The following AKAP9 variants were observed in gnomAD, a reference collection of about 807,000 sequenced individuals.
AKAP9 encodes the protein A-kinase anchor protein 9.
Under a neutral mutation model 488.5 loss-of-function variants are expected in AKAP9, and 311 were observed. That is an observed-to-expected ratio of 0.64 (90% confidence interval 0.58 to 0.70). AKAP9 has a LOEUF of 0.70. Among genes scored for constraint, AKAP9 ranks in the 30% least tolerant of loss-of-function variants. AKAP9 has a pLI of 0.00. For missense variants in AKAP9, 4,215 were observed against 4,374.5 expected, an observed-to-expected ratio of 0.96 and a Z score of 1.03; for synonymous variants, 1,462 against 1,483.5, an observed-to-expected ratio of 0.99 and a Z score of 0.33.
intron 1 of AKAP9, among the ~76,000 whole-genome samples, chr7:91,971,729 G>A (rs1384454540): frequency 6.6e-6 from 1 of 151,094 alleles, no homozygotes; most frequent in East Asian, 1.9e-4. Flanking sequence ...CACCACTGCC[G>A]GGCTAATTTT....
chr7:92,097,037 G>A lies in AKAP9; in HGVS notation c.10078G>A (p.Val3360Ile). ...KQLEEKHSRI[V>I]ELLNETEKYK... ...GCTAGAGGAAAAACACAGTCGCATA[G>A]TAGAATTGTTAAATGAGACTGAAAA... The change falls in exon 41 of 50, where the codon GTA (valine) becomes ATA (isoleucine). Residue 3360 changes from valine (V) to isoleucine (I), a missense_variant. This residue lies in a region of AKAP9 where 1,476 missense variants were observed against 1,477.4 expected (regional missense o/e 1.00). Transcript: ENST00000356239. 6.2e-7 allele frequency: 1 copy of A among 1,614,214 alleles called. No individual in the cohort carries two copies. The highest frequency in any genetic ancestry group is 1.1e-5 in the South Asian group (1 of 91,084).
intron 1 of AKAP9, among the ~76,000 whole-genome samples, chr7:91,951,599 A>G (rs1035243983): frequency 9.9e-5 from 15 of 152,188 alleles, no homozygotes; most frequent in Non-Finnish European, 2.9e-5. Flanking sequence ...TGCTGGGATT[A>G]TAGGTGTGAG....
At chr7:92,018,417 CACACACACACACACACACACACACAG>C (rs974998320) in intron 12 of AKAP9, among the ~76,000 whole-genome samples, 7 of 125,878 alleles carry the variant, frequency 5.6e-5, no homozygotes, top group South Asian at 2.7e-4. Flanking sequence ...CACACACACA[CACACACACACACACACACACACACAG>C]AGAAATATTC....
At position 92,102,788 on chromosome 7, in the gene AKAP9, G is replaced by A; in HGVS notation, c.11292G>A (p.Arg3764=). The A allele has an allele frequency of 6.2e-7, 1 of 1,614,192 alleles. No individual in the cohort carries two copies. The highest frequency in any genetic ancestry group is 8.5e-7 in the Non-Finnish European group (1 of 1,180,048). Residue 3764 remains arginine (R), a synonymous_variant, in exon 46 of 50, where the codon AGG becomes AGA. Transcript: ENST00000356239. Reference sequence around the variant, plus strand: ...CCAATCGCCCAAAGGGCTTCACCAGGTTTCGGTCGGCCGTCAGAGTATCCA... The same window carrying A: ...CCAATCGCCCAAAGGGCTTCACCAGATTTCGGTCGGCCGTCAGAGTATCCA... ...VITNRPKGFT[R]FRSAVRVSIA... is the part of the protein sequence containing the mutation.
intron 14 of AKAP9, among the ~76,000 whole-genome samples, chr7:92,024,710 C>T (rs1056316640): frequency 6.6e-6 from 1 of 151,998 alleles, no homozygotes; most frequent in African/African-American, 2.4e-5. Flanking sequence ...TCTATAAAAC[C>T]CTCAGAGATT....
At chr7:92,009,755 TTAAA>T (rs1198900816) in intron 8 of AKAP9, among the ~76,000 whole-genome samples, 3 of 152,214 alleles carry the variant, frequency 2.0e-5, no homozygotes, top group Non-Finnish European at 2.9e-5. Flanking sequence ...TGTAGAAATC[TTAAA>T]TAAAATATTA....
At chr7:92,058,883 CT>C (rs1440630995) in intron 22 of AKAP9, among the ~76,000 whole-genome samples, 1 of 151,874 alleles carries the variant, frequency 6.6e-6, no homozygotes, top group Non-Finnish European at 1.5e-5. Context: ...ACCTAAGAAA[CT>C]TACTTTTTGT....
intron 14 of AKAP9, among the ~76,000 whole-genome samples, chr7:92,028,832 T>C (rs984595604): frequency 6.6e-6 from 1 of 152,198 alleles, no homozygotes; most frequent in Non-Finnish European, 1.5e-5. Flanking sequence ...GAAACATCCA[T>C]GGAAGTGTGC....
chr7:92,102,948 A>C, intron 46 of AKAP9, 122 bp downstream of exon 46: 1 of 894,974 alleles, frequency 1.1e-6, no homozygotes, highest in Non-Finnish European at 1.7e-6. Context: ...GGTATGTGCC[A>C]TCACTGAAGC....
At chr7:91,999,138 G>A (rs1263492266) in intron 7 of AKAP9, among the ~76,000 whole-genome samples, 1 of 152,168 alleles carries the variant, frequency 6.6e-6, no homozygotes, top group Non-Finnish European at 1.5e-5. Context: ...TCGACTTGTA[G>A]GTTCAGAAGT....
chr7:92,077,976 A>AATTTTATTTT, intron 30 of AKAP9, 101 bp downstream of exon 30: 1 of 766,484 alleles, frequency 1.3e-6, no homozygotes, highest in Non-Finnish European at 1.9e-6. Flanking sequence ...AAAACAAACC[A>AATTTTATTTT]ATTTTATTTT....
intron 14 of AKAP9, among the ~76,000 whole-genome samples, chr7:92,024,257 T>C (rs768713819): frequency 2.6e-5 from 4 of 151,282 alleles, no homozygotes; most frequent in Admixed American, 6.6e-5. Flanking sequence ...ACTAAAAATA[T>C]AAAAATTAGC....
In AKAP9 at chr7:92,089,318, T is replaced by A. The variant is rs80055200; in HGVS notation, c.9214-67T>A. 1.9e-3 allele frequency: 2,932 copies of A among 1,562,064 alleles called. 44 individuals are homozygous for A. The African/African-American group carries it at 0.035, about 19-fold the overall frequency. On this transcript the variant is annotated intron_variant, in intron 37 of 49. Transcript: ENST00000356239. ...GTGTTCCATTCATTCTTCTTTAGATTTCTTGGTTGTTAATTGTATTGCCTT... is the reference window on the plus strand; with the variant it reads ...GTGTTCCATTCATTCTTCTTTAGATATCTTGGTTGTTAATTGTATTGCCTT...
At chr7:92,069,918 GATTTTGGAGC>G in intron 26 of AKAP9, 102 bp from the exon 27 acceptor site, 1 of 975,384 alleles carries the variant, frequency 1.0e-6, no homozygotes, top group South Asian at 1.6e-5. Context: ...AAACGTTTCA[GATTTTGGAGC>G]ATTTTGGATT....
intron 21 of AKAP9, among the ~76,000 whole-genome samples, chr7:92,051,439 A>G (rs1433223184): frequency 3.9e-5 from 6 of 152,218 alleles, no homozygotes; most frequent in African/African-American, 9.6e-5. Flanking sequence ...TACTTTGGAG[A>G]ATAAGGATAC....
chr7:92,084,645 C>G lies in AKAP9; in HGVS notation c.8652C>G (p.Ser2884=), dbSNP rs903736978. ...VIQCLRSKEG[S]SIPELAHSDA... is the part of the protein sequence containing the mutation. ...TTTTTGTTTTCTCTAATTAGGGATC[C>G]TCAATTCCTGAGCTAGCACATTCTG... Residue 2884 remains serine, a synonymous_variant, in exon 34 of 50, where the codon TCC becomes TCG. Coordinates refer to ENST00000356239, the MANE Select transcript of AKAP9 (RefSeq NM_005751.5). 2 of 1,607,362 alleles carry G rather than the reference C, an allele frequency of 1.2e-6. No homozygotes were observed. The highest frequency in any genetic ancestry group is 1.7e-6 in the Non-Finnish European group (2 of 1,174,874).
chr7:92,069,974 CTAACT>C, intron 26 of AKAP9, 51 bp from the exon 27 acceptor site: 1 of 1,511,248 alleles, frequency 6.6e-7, no homozygotes, highest in Non-Finnish European at 9.1e-7. Flanking sequence ...TCAACCTATA[CTAACT>C]AGCTTGCTGA....
chr7:92,053,064 T>G, intron 22 of AKAP9, 106 bp downstream of exon 22: 1 of 948,996 alleles, frequency 1.1e-6, no homozygotes, highest in Non-Finnish European at 1.7e-6. Context: ...CTGTTTGGCA[T>G]TTTCAAAGCT....
chr7:92,065,468 G>A lies in AKAP9; in HGVS notation c.6210+5G>A. ...AAAATGAGAAAATTTTTAGATGTAA[G>A]TATTCTCAAGTTGAATACTGATTTT... is the stretch of plus-strand genomic sequence containing the variant. On this transcript the variant is annotated splice_donor_5th_base_variant and intron_variant, in intron 25 of 49. Coordinates refer to ENST00000356239, the MANE Select transcript of AKAP9 (RefSeq NM_005751.5). 6.3e-7 allele frequency: 1 copy of A among 1,582,668 alleles called. No individual in the cohort carries two copies. The highest frequency in any genetic ancestry group is 8.7e-7 in the Non-Finnish European group (1 of 1,153,176).
Sources: allele counts gnomAD v4.1 joint callset (sites outside exome capture counted in the v4.1 genomes callset), GRCh38; gene constraint gnomAD v4.1.1; regional missense constraint gnomAD v4.1.1; transcripts MANE v1.5; gene names NCBI Gene and HGNC (gene_info 2026-07-23, HGNC 2026-07-21).